The following PIBF1 variants were observed in gnomAD, a reference collection of about 807,000 sequenced individuals.
PIBF1 encodes progesterone immunomodulatory binding factor 1, also known as progesterone-induced-blocking factor 1.
Under a neutral mutation model 112.5 loss-of-function variants are expected in PIBF1, and 90 were observed. That is an observed-to-expected ratio of 0.80 (90% CI 0.67 to 0.95). The LOEUF is 0.95. Ranked by LOEUF, PIBF1 falls within the 40% of genes least tolerant of loss-of-function variation. The pLI, the probability that PIBF1 is intolerant of heterozygous loss-of-function variation, is 0.00. For missense variants in PIBF1, 915 were observed against 852.3 expected (o/e 1.07, Z -0.92); for synonymous variants, 301 against 288.6 (o/e 1.04, Z -0.44).
chr13:72,830,662 T>C (rs1454105170), intron 8 of PIBF1, among the ~76,000 whole-genome samples: 1 of 152,246 alleles, frequency 6.6e-6, no homozygotes, highest in Non-Finnish European at 1.5e-5. Flanking sequence ...CATGTGCTGC[T>C]GGATTTGGTT....
At chr13:72,907,036 C>T (rs1216818138) in intron 11 of PIBF1, among the ~76,000 whole-genome samples, 1 of 151,926 alleles carries the variant, frequency 6.6e-6, no homozygotes, top group Non-Finnish European at 1.5e-5. Flanking sequence ...AAACACATTC[C>T]CAACAAGCAA....
intron 11 of PIBF1, among the ~76,000 whole-genome samples, chr13:72,902,004 A>ATGTGTGTGTG (rs1206491287): frequency 3.2e-5 from 1 of 31,360 alleles, no homozygotes; most frequent in East Asian, 1.2e-3. Flanking sequence ...GTGTGTATGT[A>ATGTGTGTGTG]TATGTGTGTG....
chr13:72,837,048 GTAT>G (rs2037393585), intron 9 of PIBF1, among the ~76,000 whole-genome samples: 2 of 151,524 alleles, frequency 1.3e-5, no homozygotes, highest in Non-Finnish European at 2.9e-5. Flanking sequence ...TTATAATCTA[GTAT>G]TATATTTTCA....
intron 5 of PIBF1, among the ~76,000 whole-genome samples, chr13:72,802,942 G>A (rs2035553491): frequency 6.6e-6 from 1 of 152,144 alleles, no homozygotes; most frequent in Non-Finnish European, 1.5e-5. Flanking sequence ...AAATCAAAGG[G>A]CAAAAGTTTG....
intron 15 of PIBF1, among the ~76,000 whole-genome samples, chr13:72,972,147 C>T (rs1317320116): frequency 6.6e-6 from 1 of 151,802 alleles, no homozygotes; most frequent in Non-Finnish European, 1.5e-5. Context: ...GATCCTCCTA[C>T]CTCATGCTTT....
At chr13:72,951,744 T>C (rs1474413920) in intron 14 of PIBF1, among the ~76,000 whole-genome samples, 3 of 152,154 alleles carry the variant, frequency 2.0e-5, no homozygotes, top group Admixed American at 6.5e-5. Context: ...TGTCATTATA[T>C]TATCACACAG....
chr13:72,957,044 GA>G (rs1405860392), intron 14 of PIBF1, among the ~76,000 whole-genome samples: 2 of 152,172 alleles, frequency 1.3e-5, no homozygotes, highest in Non-Finnish European at 2.9e-5. Flanking sequence ...GGTGAAAAGG[GA>G]AAACTTTTTC....
intron 5 of PIBF1, among the ~76,000 whole-genome samples, chr13:72,802,496 C>T (rs1197520266): frequency 2.0e-5 from 3 of 151,300 alleles, no homozygotes; most frequent in African/African-American, 7.3e-5. Context: ...AAAGTAGAGC[C>T]AATAGAAAAA....
At chr13:72,857,615 G>A (rs1470323618) in intron 10 of PIBF1, among the ~76,000 whole-genome samples, 1 of 152,184 alleles carries the variant, frequency 6.6e-6, no homozygotes, top group Non-Finnish European at 1.5e-5. Flanking sequence ...GAGTTGGTTG[G>A]ATCACCTGAG....
chr13:72,790,344 A>G (rs1463764110), intron 2 of PIBF1, among the ~76,000 whole-genome samples: 1 of 151,888 alleles, frequency 6.6e-6, no homozygotes, highest in Non-Finnish European at 1.5e-5. Flanking sequence ...GGTAAAATAT[A>G]TTAATAAGTT....
intron 10 of PIBF1, among the ~76,000 whole-genome samples, chr13:72,860,293 C>A (rs1338315171): frequency 6.9e-6 from 1 of 144,356 alleles, no homozygotes; most frequent in Non-Finnish European, 1.5e-5. Flanking sequence ...TTCGCTTTCC[C>A]TGTGTTTTTT....
In PIBF1 at chr13:72,972,152, T is replaced by C. The variant is rs1033308835; in HGVS notation, c.1965-1439T>C. The stretch of plus-strand genomic sequence containing the variant: ...GGGCTCGAGCGATCCTCCTACCTCA[T>C]GCTTTGATGTAGCTGGGACTAAAGG... On this transcript the variant is annotated intron_variant, in intron 15 of 17. Coordinates refer to ENST00000326291, the MANE Select transcript of PIBF1 (RefSeq NM_006346.4). Among the ~76,000 whole-genome samples, 14 of 151,678 alleles carry C rather than the reference T, an allele frequency of 9.2e-5. No homozygotes were observed. In the East Asian group the frequency reaches 2.7e-3, roughly 29 times the overall value.
chr13:72,926,817 T>G (rs2041499474), intron 13 of PIBF1, among the ~76,000 whole-genome samples: 1 of 152,220 alleles, frequency 6.6e-6, no homozygotes, highest in South Asian at 2.1e-4. Flanking sequence ...GTGGTATGCC[T>G]TTTCTTAGCA....
chr13:72,846,801 G>GT (rs1018092968), intron 9 of PIBF1, among the ~76,000 whole-genome samples: 1 of 151,886 alleles, frequency 6.6e-6, no homozygotes, highest in Non-Finnish European at 1.5e-5. Flanking sequence ...TTTACTTTGG[G>GT]TTTTTTTCCT....
intron 14 of PIBF1, among the ~76,000 whole-genome samples, chr13:72,935,420 G>A (rs542629304): frequency 1.3e-5 from 2 of 152,198 alleles, no homozygotes; most frequent in African/African-American, 4.8e-5. Context: ...TCGTTGTGTG[G>A]AAGTACCACA....
intron 13 of PIBF1, among the ~76,000 whole-genome samples, chr13:72,928,575 G>A (rs2041607965): frequency 6.6e-6 from 1 of 152,164 alleles, no homozygotes. Context: ...CAGTTGCTGG[G>A]ATTACAGGCG....
intron 14 of PIBF1, among the ~76,000 whole-genome samples, chr13:72,939,781 T>C (rs1229706395): frequency 6.6e-6 from 1 of 152,144 alleles, no homozygotes; most frequent in Admixed American, 6.5e-5. Context: ...CTTTGTTTTT[T>C]AGAAAGATAT....
intron 10 of PIBF1, among the ~76,000 whole-genome samples, chr13:72,883,827 A>G (rs1450710803): frequency 6.6e-6 from 1 of 152,140 alleles, no homozygotes; most frequent in African/African-American, 2.4e-5. Flanking sequence ...GGTGTGGTGG[A>G]TCACATCTGT....
chr13:72,844,789 A>ACACACG lies in PIBF1; in HGVS notation c.1224-9263_1224-9262insGCACAC, dbSNP rs1555296222. ...CACACACACACACACACACACACACACACACACACACGGATGAAGTCTTAC... is the reference window on the plus strand; with the variant it reads ...CACACACACACACACACACACACACACACACGCACACACACACGGATGAAGTCTTAC... On this transcript the variant is annotated intron_variant, in intron 9 of 17. Coordinates refer to ENST00000326291, the MANE Select transcript of PIBF1 (RefSeq NM_006346.4). Among the ~76,000 whole-genome samples, 587 of 119,620 alleles carry ACACACG rather than the reference A, an allele frequency of 4.9e-3. 62 individuals carry two copies. The highest frequency in any genetic ancestry group is 0.019 in the African/African-American group (507 of 26,312). 78.5% of individuals were successfully genotyped at this position (119,620 alleles called of 152,430 possible). A position where few individuals can be genotyped will look rare whatever the true frequency, so the allele number is the denominator to read the frequency against.
Sources: gnomAD v4.1 joint callset for allele counts (sites outside exome capture counted in the v4.1 genomes callset) on GRCh38, gnomAD v4.1.1 for gene constraint, MANE v1.5 for transcripts, NCBI Gene and HGNC (gene_info 2026-07-23, HGNC 2026-07-21) for gene names.